TENM3: variants seen among roughly 807,000 people sequenced by gnomAD.
TENM3 encodes the protein teneurin-3.
TENM3 carries 63 observed loss-of-function variants against 255.1 expected under a neutral mutation model. The observed-to-expected ratio is 0.25, with a 90% CI of 0.20 to 0.30. TENM3 has a LOEUF of 0.30. TENM3 is among the 10% of genes least tolerant of loss of function. The pLI is 1.00. For synonymous variants in TENM3, 1,306 were observed against 1,322.3 expected (o/e 0.99, Z 0.27); for missense variants, 2,929 against 3,461.1 (o/e 0.85, Z 3.86).
the TENM3 span, among the ~76,000 whole-genome samples, chr4:181,583,520 T>C: frequency 6.6e-6 from 1 of 152,216 alleles, no homozygotes; most frequent in Admixed American, 6.5e-5. Flanking sequence ...ATTGTTCATT[T>C]AAACCGCCCT....
chr4:182,337,523 A>C (rs868130528), intron 2 of TENM3, among the ~76,000 whole-genome samples: 5 of 152,192 alleles, frequency 3.3e-5, no homozygotes, highest in African/African-American at 1.2e-4. Context: ...GAATGGCTAA[A>C]ATTAAAAAAG....
the TENM3 span, among the ~76,000 whole-genome samples, chr4:181,710,889 G>T: frequency 2.5e-5 from 3 of 121,670 alleles, no homozygotes; most frequent in Admixed American, 8.3e-5. Context: ...AGGAAAAAAA[G>T]AAAAAAAAAA....
At chr4:181,548,482 T>TA in the TENM3 span, among the ~76,000 whole-genome samples, 14 of 152,108 alleles carry the variant, frequency 9.2e-5, no homozygotes, top group South Asian at 6.2e-4. Flanking sequence ...TATGCAGCCA[T>TA]AAAAAAATGA....
chr4:181,476,319 G>A, the TENM3 span, among the ~76,000 whole-genome samples: 1 of 151,584 alleles, frequency 6.6e-6, no homozygotes, highest in Non-Finnish European at 1.5e-5. Context: ...TCCGAATGCA[G>A]CAACAACTCA....
the TENM3 span, among the ~76,000 whole-genome samples, chr4:181,936,883 G>A: frequency 1.3e-5 from 2 of 151,998 alleles, no homozygotes; most frequent in African/African-American, 2.4e-5. Flanking sequence ...TAGGCGCAAA[G>A]GGGGAAAAGA....
At chr4:181,855,030 G>A in the TENM3 span, among the ~76,000 whole-genome samples, 2 of 152,098 alleles carry the variant, frequency 1.3e-5, no homozygotes, top group African/African-American at 2.4e-5. Context: ...ATAGACAAGC[G>A]AATATGGAGA....
At chr4:182,183,014 G>A (rs1730795793) in intron 1 of TENM3, among the ~76,000 whole-genome samples, 1 of 152,012 alleles carries the variant, frequency 6.6e-6, no homozygotes, top group African/African-American at 2.4e-5. Flanking sequence ...AGACAACATG[G>A]GTAAGAAGTA....
intron 3 of TENM3, among the ~76,000 whole-genome samples, chr4:182,546,223 G>GT (rs1741431100): frequency 1.3e-5 from 2 of 152,290 alleles, no homozygotes; most frequent in South Asian, 4.1e-4. Flanking sequence ...AAATCTGCAT[G>GT]TAAGTGCGCC....
chr4:181,745,422 GT>G, the TENM3 span, among the ~76,000 whole-genome samples: 1 of 152,056 alleles, frequency 6.6e-6, no homozygotes, highest in Non-Finnish European at 1.5e-5. Context: ...GGGAGAAAGC[GT>G]TTTTTAAAGA....
intron 24 of TENM3, among the ~76,000 whole-genome samples, chr4:182,775,956 T>TGATAGATAGATA (rs60739992): frequency 3.0e-4 from 45 of 151,148 alleles, no homozygotes; most frequent in African/African-American, 6.6e-4. Flanking sequence ...GATATGTAGA[T>TGATAGATAGATA]GATAGATAGA....
At chr4:181,566,407 C>A in the TENM3 span, among the ~76,000 whole-genome samples, 3 of 152,062 alleles carry the variant, frequency 2.0e-5, no homozygotes, top group African/African-American at 7.2e-5. Flanking sequence ...AAATAAAAAT[C>A]TTTATTACTA....
chr4:182,370,522 A>T (rs1766730815), intron 3 of TENM3, among the ~76,000 whole-genome samples: 1 of 152,240 alleles, frequency 6.6e-6, no homozygotes, highest in Non-Finnish European at 1.5e-5. Context: ...TTAAAAGATA[A>T]GTCGGTTTTA....
the TENM3 span, among the ~76,000 whole-genome samples, chr4:182,114,662 CTG>C: frequency 2.6e-5 from 4 of 152,054 alleles, no homozygotes; most frequent in African/African-American, 7.2e-5. Context: ...TTACATGAGC[CTG>C]TGTTTTCTTT....
At chr4:181,702,361 A>G in the TENM3 span, among the ~76,000 whole-genome samples, 1 of 152,246 alleles carries the variant, frequency 6.6e-6, no homozygotes, top group African/African-American at 2.4e-5. Flanking sequence ...AACTGCCAAG[A>G]GGATTTCCAA....
the TENM3 span, among the ~76,000 whole-genome samples, chr4:181,964,311 A>G: frequency 3.9e-5 from 6 of 152,138 alleles, no homozygotes; most frequent in Non-Finnish European, 8.8e-5. Context: ...CAAAAAGATG[A>G]GGGGTAATTT....
At chr4:182,334,671 C>T (rs1215742245) in intron 2 of TENM3, among the ~76,000 whole-genome samples, 1 of 150,730 alleles carries the variant, frequency 6.6e-6, no homozygotes, top group East Asian at 1.9e-4. Context: ...GTAAATTTAA[C>T]ATAAAACAAA....
chr4:182,063,122 AT>A, the TENM3 span, among the ~76,000 whole-genome samples: 1 of 152,236 alleles, frequency 6.6e-6, no homozygotes, highest in East Asian at 1.9e-4. Context: ...GTGCTGATTC[AT>A]TCATTTTCAA....
chr4:181,790,821 G>A, the TENM3 span, among the ~76,000 whole-genome samples: 18 of 152,280 alleles, frequency 1.2e-4, no homozygotes, highest in East Asian at 3.1e-3. Context: ...GGCCCTCACT[G>A]AGAATCTTCC....
At chr4:182,623,136 G>A (rs1377691530) in intron 4 of TENM3, among the ~76,000 whole-genome samples, 3 of 142,986 alleles carry the variant, frequency 2.1e-5, no homozygotes, top group South Asian at 2.3e-4. Flanking sequence ...TCAGCCTCCC[G>A]AGTAGCTGGG....
Sources: allele counts gnomAD v4.1 joint callset (sites outside exome capture counted in the v4.1 genomes callset), GRCh38; gene constraint gnomAD v4.1.1; transcripts MANE v1.5; gene names NCBI Gene and HGNC (gene_info 2026-07-23, HGNC 2026-07-21).